ERC1: variants seen among roughly 807,000 people sequenced by gnomAD.
ERC1 encodes ELKS/RAB6-interacting/CAST family member 1.
A neutral mutation model predicts 132.0 loss-of-function variants in ERC1; 56 were observed. The observed-to-expected ratio is 0.42, with a 90% CI of 0.34 to 0.53. The LOEUF is 0.53. Ranked by LOEUF, ERC1 falls within the 20% of genes least tolerant of loss-of-function variation. The pLI, the probability that ERC1 is intolerant of heterozygous loss-of-function variation, is 0.03. For missense variants in ERC1, 1,202 were observed against 1,349.9 expected, an observed-to-expected ratio of 0.89 and a Z score of 1.72; for synonymous variants, 478 against 476.1, an observed-to-expected ratio of 1.00 and a Z score of -0.05.
At chr12:1,292,140 C>G (rs1034324052) in intron 15 of ERC1, among the ~76,000 whole-genome samples, 37 of 152,184 alleles carry the variant, frequency 2.4e-4, no homozygotes, top group African/African-American at 8.7e-4. Flanking sequence ...TCAAACTCCT[C>G]CTGCAGGCCC....
intron 8 of ERC1, among the ~76,000 whole-genome samples, chr12:1,178,893 A>G (rs1236837779): frequency 6.6e-6 from 1 of 151,944 alleles, no homozygotes; most frequent in African/African-American, 2.4e-5. Flanking sequence ...TGTTTTCATT[A>G]CTCTGTTTCC....
intron 17 of ERC1, among the ~76,000 whole-genome samples, chr12:1,438,946 T>TAAAAAAA (rs145056944): frequency 1.4e-5 from 2 of 144,638 alleles, no homozygotes; most frequent in African/African-American, 5.1e-5. Context: ...TGTCTCAATT[T>TAAAAAAA]AAAAAAAAAT....
intron 18 of ERC1, among the ~76,000 whole-genome samples, chr12:1,456,053 A>G (rs2093526951): frequency 2.0e-5 from 3 of 152,304 alleles, no homozygotes; most frequent in Admixed American, 6.5e-5. Context: ...TGGGCCTCCT[A>G]TGGCTCTCTT....
At chr12:1,188,463 G>C (rs371790894) in intron 11 of ERC1, among the ~76,000 whole-genome samples, 8 of 152,140 alleles carry the variant, frequency 5.3e-5, no homozygotes, top group Non-Finnish European at 1.2e-4. Context: ...GGGAAACCAC[G>C]TGAAACAACT....
intron 8 of ERC1, among the ~76,000 whole-genome samples, chr12:1,157,089 A>G (rs1439897889): frequency 6.6e-6 from 1 of 152,008 alleles, no homozygotes; most frequent in Non-Finnish European, 1.5e-5. Context: ...TATACATGCC[A>G]AAGTCATTTT....
chr12:1,011,361 G>A (rs916795632), intron 1 of ERC1, among the ~76,000 whole-genome samples: 5 of 151,972 alleles, frequency 3.3e-5, no homozygotes, highest in African/African-American at 1.2e-4. Context: ...GCACCACCAT[G>A]CCCGGCTAAT....
intron 18 of ERC1, among the ~76,000 whole-genome samples, chr12:1,472,327 A>G (rs558819959): frequency 5.3e-5 from 8 of 152,268 alleles, no homozygotes; most frequent in Admixed American, 2.6e-4. Flanking sequence ...TTTGAAAATG[A>G]ATGGCAGAAA....
intron 1 of ERC1, among the ~76,000 whole-genome samples, chr12:1,023,400 C>T (rs908535342): frequency 5.6e-4 from 84 of 150,512 alleles, no homozygotes; most frequent in African/African-American, 2.0e-3. Flanking sequence ...CTACCATGTT[C>T]TTTTTTTGAT....
chr12:1,384,419 T>C (rs2154379700), intron 16 of ERC1, among the ~76,000 whole-genome samples: 1 of 152,320 alleles, frequency 6.6e-6, no homozygotes, highest in African/African-American at 2.4e-5. Context: ...TAAATTACCA[T>C]TGGAAATAAT....
intron 17 of ERC1, among the ~76,000 whole-genome samples, chr12:1,425,287 A>C (rs1420080456): frequency 6.6e-6 from 1 of 152,208 alleles, no homozygotes; most frequent in Non-Finnish European, 1.5e-5. Flanking sequence ...GTGTGATGGC[A>C]TAGCCACATC....
At chr12:1,002,551 T>A (rs1426093220) in intron 1 of ERC1, among the ~76,000 whole-genome samples, 5 of 152,076 alleles carry the variant, frequency 3.3e-5, no homozygotes, top group African/African-American at 1.2e-4. Flanking sequence ...GGAGTGAAAG[T>A]CCTGGGTCAT....
intron 12 of ERC1, among the ~76,000 whole-genome samples, chr12:1,214,557 G>A (rs1463749220): frequency 6.6e-6 from 1 of 152,008 alleles, no homozygotes; most frequent in Non-Finnish European, 1.5e-5. Flanking sequence ...CTCAAAGAGT[G>A]AAGAAGAAGC....
chr12:1,126,305 G>A (rs1002528000), intron 7 of ERC1, among the ~76,000 whole-genome samples: 1 of 152,156 alleles, frequency 6.6e-6, no homozygotes, highest in South Asian at 2.1e-4. Flanking sequence ...GCGGTAACTA[G>A]CACAGGAAGG....
intron 3 of ERC1, among the ~76,000 whole-genome samples, chr12:1,093,538 G>C (rs1943524421): frequency 6.6e-6 from 1 of 152,048 alleles, no homozygotes; most frequent in African/African-American, 2.4e-5. Context: ...ATTGTCTATA[G>C]GCCAACTAAA....
At chr12:1,249,939 C>T (rs1241723854) in intron 13 of ERC1, among the ~76,000 whole-genome samples, 4 of 152,192 alleles carry the variant, frequency 2.6e-5, no homozygotes, top group Admixed American at 6.5e-5. Flanking sequence ...GGGCTCTGCT[C>T]TCATGACCTA....
At position 1,100,600 on chromosome 12, in the gene ERC1, G is replaced by A. The variant is rs185379272; in HGVS notation, c.1087-4150G>A. ...GAAAATGGGAAGAGCAGGATTTCCT[G>A]ATGAGTTGGATATAGGTGTAAGAAA... On this transcript the variant is annotated intron_variant, in intron 3 of 18. Coordinates refer to ENST00000360905, the MANE Select transcript of ERC1 (RefSeq NM_178040.4). 7.2e-5 allele frequency among the ~76,000 whole-genome samples: 11 copies of A among 152,242 alleles called. No homozygotes were observed. The East Asian group carries it at 1.9e-3, about 27-fold the overall frequency.
chr12:1,410,943 C>T (rs2091811282), intron 17 of ERC1, among the ~76,000 whole-genome samples: 1 of 151,960 alleles, frequency 6.6e-6, no homozygotes, highest in South Asian at 2.1e-4. Flanking sequence ...ACTAAAACCT[C>T]CTTTTGTTTG....
At chr12:1,010,480 CAA>C (rs71055122) in intron 1 of ERC1, among the ~76,000 whole-genome samples, 11 of 93,430 alleles carry the variant, frequency 1.2e-4, no homozygotes, top group Admixed American at 1.1e-4. Flanking sequence ...ACTCTGTCTC[CAA>C]AAAAAAAAAA....
At chr12:1,116,892 A>G (rs929288342) in intron 7 of ERC1, among the ~76,000 whole-genome samples, 2 of 152,148 alleles carry the variant, frequency 1.3e-5, no homozygotes, top group African/African-American at 2.4e-5. Context: ...GTGTTTTTCA[A>G]AATCTTGGAA....
Sources: allele counts gnomAD v4.1 joint callset (sites outside exome capture counted in the v4.1 genomes callset), GRCh38; gene constraint gnomAD v4.1.1; transcripts MANE v1.5; gene names NCBI Gene and HGNC (gene_info 2026-07-23, HGNC 2026-07-21).